The following RFX3 variants were observed in gnomAD, a reference collection of about 807,000 sequenced individuals.
RFX3 encodes the protein transcription factor RFX3.
In RFX3, 14 loss-of-function variants were observed where a neutral mutation model predicts 98.6. The observed-to-expected ratio is 0.14, with a 90% CI of 0.09 to 0.22. The LOEUF (loss-of-function observed/expected upper bound fraction) is 0.22. RFX3 is among the 10% of genes least tolerant of loss of function. The probability of loss-of-function intolerance (pLI) is 1.00; values close to 1 mark genes in which losing one functional copy is unlikely to be tolerated. For missense variants in RFX3, 639 were observed against 926.9 expected (o/e 0.69, Z 4.03); for synonymous variants, 383 against 328.4 (o/e 1.17, Z -1.80).
intron 1 of RFX3, among the ~76,000 whole-genome samples, chr9:3,425,618 C>A (rs369353018): frequency 9.9e-5 from 15 of 152,248 alleles, no homozygotes; most frequent in Admixed American, 8.5e-4. Context: ...TTTAATGTGG[C>A]ACATTATAGT....
intron 4 of RFX3, among the ~76,000 whole-genome samples, chr9:3,314,744 A>C: frequency 6.6e-6 from 1 of 152,204 alleles, no homozygotes; most frequent in East Asian, 1.9e-4. Context: ...GATAAAACAG[A>C]CTTTAAACCA....
intron 2 of RFX3, among the ~76,000 whole-genome samples, chr9:3,378,196 G>C (rs1385785339): frequency 6.6e-6 from 1 of 152,074 alleles, no homozygotes; most frequent in Non-Finnish European, 1.5e-5. Context: ...TCTTATTTAG[G>C]TAATATCTTC....
chr9:3,431,185 G>A (rs796545019), intron 1 of RFX3, among the ~76,000 whole-genome samples: 6 of 152,232 alleles, frequency 3.9e-5, no homozygotes, highest in African/African-American at 1.4e-4. Flanking sequence ...CATCTTTCCA[G>A]TAAATTGTGT....
chr9:3,486,444 C>T (rs1054009283), intron 1 of RFX3, among the ~76,000 whole-genome samples: 13 of 152,174 alleles, frequency 8.5e-5, no homozygotes, highest in African/African-American at 3.1e-4. Flanking sequence ...AAGTTCTTTC[C>T]CCTCCTTTCC....
At chr9:3,477,618 G>A (rs1163424352) in intron 1 of RFX3, among the ~76,000 whole-genome samples, 2 of 152,142 alleles carry the variant, frequency 1.3e-5, no homozygotes, top group African/African-American at 2.4e-5. Context: ...ACTATGATGG[G>A]TCTAGGTATG....
intron 3 of RFX3, among the ~76,000 whole-genome samples, chr9:3,332,968 T>G (rs1832764549): frequency 6.6e-6 from 1 of 152,164 alleles, no homozygotes; most frequent in Non-Finnish European, 1.5e-5. Context: ...CTCACAGGAC[T>G]GTTATGTTTT....
intron 4 of RFX3, among the ~76,000 whole-genome samples, chr9:3,312,689 C>G (rs1467884860): frequency 1.3e-5 from 2 of 152,158 alleles, no homozygotes; most frequent in Non-Finnish European, 2.9e-5. Context: ...GCATTTCCAA[C>G]TGAGCAAACA....
chr9:3,255,534 G>C (rs980943144), intron 14 of RFX3, among the ~76,000 whole-genome samples: 1 of 152,158 alleles, frequency 6.6e-6, no homozygotes, highest in African/African-American at 2.4e-5. Context: ...ATTAATCTTA[G>C]GGCCAAATCA....
chr9:3,315,883 A>G (rs1437567437), intron 4 of RFX3, among the ~76,000 whole-genome samples: 1 of 152,184 alleles, frequency 6.6e-6, no homozygotes, highest in African/African-American at 2.4e-5. Flanking sequence ...GCAATAACTA[A>G]TAGCCTACCA....
intron 2 of RFX3, among the ~76,000 whole-genome samples, chr9:3,365,938 T>A (rs1291615433): frequency 6.6e-6 from 1 of 151,816 alleles, no homozygotes; most frequent in Non-Finnish European, 1.5e-5. Flanking sequence ...TGTTTCTAAG[T>A]TAACTCTCTA....
At chr9:3,387,455 A>G (rs899345939) in intron 2 of RFX3, among the ~76,000 whole-genome samples, 1 of 152,090 alleles carries the variant, frequency 6.6e-6, no homozygotes, top group African/African-American at 2.4e-5. Context: ...TTTTTTAACT[A>G]TTCAGTAGAG....
At chr9:3,307,640 G>A (rs1251932254) in intron 4 of RFX3, among the ~76,000 whole-genome samples, 1 of 152,164 alleles carries the variant, frequency 6.6e-6, no homozygotes, top group Non-Finnish European at 1.5e-5. Context: ...ATCACTATGT[G>A]ATTAGAACAT....
chr9:3,464,542 T>C (rs1848023693), intron 1 of RFX3, among the ~76,000 whole-genome samples: 1 of 152,178 alleles, frequency 6.6e-6, no homozygotes, highest in Non-Finnish European at 1.5e-5. Flanking sequence ...ATTCCATTTA[T>C]ATAAAATTCT....
chr9:3,270,815 G>C, intron 10 of RFX3, 188 bp downstream of exon 10: 1 of 752,328 alleles, frequency 1.3e-6, no homozygotes, highest in Non-Finnish European at 2.1e-6. Flanking sequence ...CAGTACAAAT[G>C]GGAGCTATAT....
chr9:3,302,454 G>C (rs150554718), intron 4 of RFX3, among the ~76,000 whole-genome samples: 1 of 151,630 alleles, frequency 6.6e-6, no homozygotes, highest in African/African-American at 2.4e-5. Context: ...TGGTAGTATT[G>C]CATGTTGCAT....
At chr9:3,263,319 G>A (rs1253245295) in intron 12 of RFX3, among the ~76,000 whole-genome samples, 4 of 152,058 alleles carry the variant, frequency 2.6e-5, no homozygotes, top group Non-Finnish European at 4.4e-5. Flanking sequence ...CACATTCTTC[G>A]ACATCTGAGC....
At position 3,337,554 on chromosome 9, in the gene RFX3, C is replaced by T. The variant is rs140588794; in HGVS notation, c.216-7037G>A. Among the ~76,000 whole-genome samples, 712 of 152,294 alleles carry T rather than the reference C, an allele frequency of 4.7e-3. 2 individuals carry two copies. Among genetic ancestry groups the T allele is most frequent in the African/African-American group, 0.017 (689 of 41,544 alleles). ...GGAAATGGTGACACACTGTAAGAGACATGTCATGTTTACAGTGGCAGTAGG... is the reference window on the plus strand; with the variant it reads ...GGAAATGGTGACACACTGTAAGAGATATGTCATGTTTACAGTGGCAGTAGG... On this transcript the variant is annotated intron_variant, in intron 3 of 16. Coordinates refer to ENST00000617270, the MANE Select transcript of RFX3 (RefSeq NM_001282116.2).
rs1460904483 is a variant in RFX3, at chr9:3,317,125, A to C, written c.474+13134T>G. Among the ~76,000 whole-genome samples the C allele has an allele frequency of 7.9e-5, 12 of 152,342 alleles. No homozygotes were observed. The East Asian group carries it at 2.3e-3, about 29-fold the overall frequency. On this transcript the variant is annotated intron_variant, in intron 4 of 16. Transcript: ENST00000617270. ...GCTACCTGACTTCAAACTATACTAC[A>C]AGGCTACAGTAACCAAAACAGCATG...
chr9:3,391,039 C>T (rs541642364), intron 2 of RFX3, among the ~76,000 whole-genome samples: 1 of 152,156 alleles, frequency 6.6e-6, no homozygotes, highest in Admixed American at 6.5e-5. Flanking sequence ...ATCAACAAAG[C>T]AAAGTTACAA....
Sources: allele counts gnomAD v4.1 joint callset (sites outside exome capture counted in the v4.1 genomes callset), GRCh38; gene constraint gnomAD v4.1.1; transcripts MANE v1.5; gene names NCBI Gene and HGNC (gene_info 2026-07-23, HGNC 2026-07-21).